HGF: variants seen among roughly 807,000 people sequenced by gnomAD.
The protein encoded by HGF is hepatocyte growth factor, also known as fibroblast-derived tumor cytotoxic factor.
HGF carries 39 observed loss-of-function variants against 111.6 expected under a neutral mutation model. That is an observed-to-expected ratio of 0.35 (90% CI 0.27 to 0.46). The LOEUF (loss-of-function observed/expected upper bound fraction) is 0.46. Ranked by LOEUF, HGF falls within the 20% of genes least tolerant of loss-of-function variation. HGF has a pLI of 1.00. For missense variants in HGF, 735 were observed against 910.5 expected (o/e 0.81, Z 2.48); for synonymous variants, 285 against 294.8 (o/e 0.97, Z 0.34).
At chr7:81,722,712 G>T (rs1357403267) in intron 9 of HGF, among the ~76,000 whole-genome samples, 2 of 148,964 alleles carry the variant, frequency 1.3e-5, no homozygotes, top group African/African-American at 5.0e-5. Context: ...TACTCAGGAG[G>T]CTGAGGCAGG....
In HGF at chr7:81,762,735, T is replaced by A; in HGVS notation, c.226A>T (p.Arg76Trp). The stretch of plus-strand genomic sequence containing the variant: ...CAAGTGAATGGAAGTCCTTTATTCC[T>A]AGTACATCTATTAGCACATTGGTCT... Reference protein sequence around the residue: ...TADQCANRCTRNKGLPFTCKA... With the variant: ...TADQCANRCTWNKGLPFTCKA... The change falls in exon 2 of 18, where the codon AGG (arginine) becomes TGG (tryptophan). Residue 76 changes from arginine (R) to tryptophan (W), a missense_variant. Coordinates refer to ENST00000222390, the MANE Select transcript of HGF (RefSeq NM_000601.6). 6.2e-7 allele frequency: 1 copy of A among 1,612,918 alleles called. No individual in the cohort carries two copies. The highest frequency in any genetic ancestry group is 8.5e-7 in the Non-Finnish European group (1 of 1,179,028).
chr7:81,740,204 A>G (rs372617995), intron 7 of HGF, among the ~76,000 whole-genome samples: 22 of 152,262 alleles, frequency 1.4e-4, no homozygotes, highest in African/African-American at 5.3e-4. Flanking sequence ...TTCCCCTCCA[A>G]CTTTCTAGAG....
chr7:81,765,014 A>G (rs1340119945), intron 1 of HGF, among the ~76,000 whole-genome samples: 1 of 152,126 alleles, frequency 6.6e-6, no homozygotes, highest in Admixed American at 6.5e-5. Context: ...AGAGTTTTAT[A>G]CACGTATTTC....
chr7:81,702,314 T>C lies in HGF; in HGVS notation c.*267A>G. On this transcript the variant is annotated 3_prime_UTR_variant, in exon 18 of 18. Coordinates refer to ENST00000222390, the MANE Select transcript of HGF (RefSeq NM_000601.6). The stretch of plus-strand genomic sequence containing the variant: ...ATCTTTATCATCCAGCAAATATACC[T>C]GTGTGTTTTTTTAATCCATTCAAGT... The C allele has an allele frequency of 2.6e-6, 1 of 378,082 alleles. No individual in the cohort carries two copies. Among genetic ancestry groups the C allele is most frequent in the Non-Finnish European group, 4.8e-6 (1 of 207,664 alleles). 23.4% of individuals were successfully genotyped at this position (378,082 alleles called of 1,614,324 possible).
At chr7:81,745,414 A>G (rs972682112) in intron 5 of HGF, among the ~76,000 whole-genome samples, 1 of 152,200 alleles carries the variant, frequency 6.6e-6, no homozygotes, top group African/African-American at 2.4e-5. Flanking sequence ...TATCTAGAAA[A>G]TGGAAATAAA....
Position 81,757,056 on chromosome 7 carries a change from C to A in HGF, c.482+133G>T, listed in dbSNP as rs573900535. On this transcript the variant is annotated intron_variant, in intron 4 of 17. Coordinates refer to ENST00000222390, the MANE Select transcript of HGF (RefSeq NM_000601.6). Reference sequence around the variant, plus strand: ...AATATCAGTCATGAATTCATATAAACCTTGCCGTAATACAATTCAGCAAGT... The same window carrying A: ...AATATCAGTCATGAATTCATATAAAACTTGCCGTAATACAATTCAGCAAGT... The A allele has an allele frequency of 8.6e-5, 59 of 689,862 alleles. No homozygotes were observed. In the African/African-American group the frequency reaches 8.7e-4, roughly 10 times the overall value. 42.7% of individuals were successfully genotyped at this position (689,862 alleles called of 1,614,324 possible).
chr7:81,718,170 C>A (rs1321985129), intron 10 of HGF, among the ~76,000 whole-genome samples: 1 of 152,102 alleles, frequency 6.6e-6, no homozygotes, highest in East Asian at 1.9e-4. Context: ...ATTAATGTGT[C>A]ATTTTAAATA....
At chr7:81,734,814 G>T (rs1026622520) in intron 7 of HGF, among the ~76,000 whole-genome samples, 1 of 151,982 alleles carries the variant, frequency 6.6e-6, no homozygotes, top group African/African-American at 2.4e-5. Flanking sequence ...TACATCTACG[G>T]TTTTCACCAA....
intron 9 of HGF, among the ~76,000 whole-genome samples, chr7:81,724,895 T>A (rs530615483): frequency 6.6e-6 from 1 of 152,224 alleles, no homozygotes; most frequent in Non-Finnish European, 1.5e-5. Flanking sequence ...TATTTCAATC[T>A]GATTTTACTA....
chr7:81,739,923 C>T (rs1194335430), intron 7 of HGF, among the ~76,000 whole-genome samples: 1 of 152,082 alleles, frequency 6.6e-6, no homozygotes, highest in Non-Finnish European at 1.5e-5. Flanking sequence ...TGCCTCATAT[C>T]AACTTAATTT....
At chr7:81,704,952 G>A (rs1317011125) in intron 17 of HGF, among the ~76,000 whole-genome samples, 2 of 151,816 alleles carry the variant, frequency 1.3e-5, no homozygotes, top group Admixed American at 6.6e-5. Context: ...GAGAGCAAAA[G>A]AGGGAACAGC....
chr7:81,715,804 A>G (rs1789695764), intron 11 of HGF, among the ~76,000 whole-genome samples: 1 of 152,118 alleles, frequency 6.6e-6, no homozygotes, highest in Non-Finnish European at 1.5e-5. Flanking sequence ...TATTTCTTCA[A>G]TTTAATCTCT....
Position 81,729,737 on chromosome 7 carries a change from G to T in HGF, c.908C>A (p.Thr303Asn), listed in dbSNP as rs1413194664. The T allele has an allele frequency of 1.2e-6, 2 of 1,613,770 alleles. No individual in the cohort carries two copies. The highest frequency in any genetic ancestry group is 2.7e-5 in the African/African-American group (2 of 74,876). The change falls in exon 8 of 18, where the codon ACT becomes AAT. Residue 303 changes from threonine to asparagine, a missense_variant. This residue lies in a region of HGF where 553 missense variants were observed against 685.6 expected (regional missense o/e 0.81). Coordinates refer to ENST00000222390, the MANE Select transcript of HGF (RefSeq NM_000601.6). ...TTCTCCTTGACCTTGGATGCATTCA[G>T]TTGTTTCCAAAGGAACATCAGTGTC... ...MNDTDVPLET[T>N]ECIQGQGEGY...
intron 1 of HGF, chr7:81,763,098 A>G (rs564183669): frequency 1.8e-4 from 93 of 505,044 alleles, no homozygotes; most frequent in African/African-American, 1.2e-3. Flanking sequence ...TCACTCATTT[A>G]CATTCTTTCA....
rs1002870844 is a variant in HGF at position 81,740,971 on chromosome 7, A to C, written c.865+2382T>G. Among the ~76,000 whole-genome samples the C allele has an allele frequency of 7.9e-5, 12 of 152,218 alleles. 1 individual carries two copies. Among genetic ancestry groups the C allele is most frequent in the Admixed American group, 7.9e-4 (12 of 15,282 alleles). ...AGGTTTTGGTAATTTGTTATGCCACAATAGAAAATCAATGCACAATTGAAT... is the reference window on the plus strand; with the variant it reads ...AGGTTTTGGTAATTTGTTATGCCACCATAGAAAATCAATGCACAATTGAAT... On this transcript the variant is annotated intron_variant, in intron 7 of 17. Coordinates refer to ENST00000222390, the MANE Select transcript of HGF (RefSeq NM_000601.6).
At position 81,769,959 on chromosome 7, in the gene HGF, T is replaced by C; in HGVS notation, c.13A>G (p.Lys5Glu). ...TGCAGCAGCAGGGCTGGCAGGAGTT[T>C]GGTCACCCACATGGTGCTGCTGGAC... MWVT[K>E]LLPALLLQHV... The change falls in exon 1 of 18, where the codon AAA (lysine) becomes GAA (glutamate). Residue 5 changes from lysine (K) to glutamate (E), a missense_variant. By Grantham distance (56) the Lys-to-Glu change is moderately conservative. Coordinates refer to ENST00000222390, the MANE Select transcript of HGF (RefSeq NM_000601.6). 6.4e-7 allele frequency: 1 copy of C among 1,557,232 alleles called. No individual in the cohort carries two copies. Among genetic ancestry groups the C allele is most frequent in the Non-Finnish European group, 8.7e-7 (1 of 1,150,192 alleles).
At chr7:81,704,245 TATAGGTG>T (rs1264838971) in intron 17 of HGF, among the ~76,000 whole-genome samples, 1 of 151,732 alleles carries the variant, frequency 6.6e-6, no homozygotes, top group Non-Finnish European at 1.5e-5. Flanking sequence ...GTGAAAAATA[TATAGGTG>T]ATAATCCAAA....
intron 5 of HGF, among the ~76,000 whole-genome samples, chr7:81,747,804 G>A (rs537093239): frequency 5.3e-5 from 8 of 152,026 alleles, no homozygotes; most frequent in East Asian, 1.9e-4. Context: ...CTGGTGGTGC[G>A]TGCCTGTAGT....
At chr7:81,740,182 C>T (rs185352442) in intron 7 of HGF, among the ~76,000 whole-genome samples, 2 of 152,070 alleles carry the variant, frequency 1.3e-5, no homozygotes, top group African/African-American at 2.4e-5. Flanking sequence ...TGATAAAACA[C>T]GAGTTTAGAA....
Sources: gnomAD v4.1 joint callset for allele counts (sites outside exome capture counted in the v4.1 genomes callset) on GRCh38, gnomAD v4.1.1 for gene constraint, gnomAD v4.1.1 regional missense constraint, MANE v1.5 for transcripts, NCBI Gene and HGNC (gene_info 2026-07-23, HGNC 2026-07-21) for gene names.